CCSER1: variants seen among roughly 807,000 people sequenced by gnomAD.
CCSER1 encodes the protein serine-rich coiled-coil domain-containing protein 1.
In CCSER1, 41 loss-of-function variants were observed where a neutral mutation model predicts 82.0. That is an observed-to-expected ratio of 0.50 (90% CI 0.39 to 0.65). The LOEUF (loss-of-function observed/expected upper bound fraction) is 0.65. CCSER1 is among the 30% of genes least tolerant of loss of function. The pLI is 0.00. For missense variants in CCSER1, 1,119 were observed against 1,064.2 expected, an observed-to-expected ratio of 1.05 and a Z score of -0.72; for synonymous variants, 414 against 383.9, an observed-to-expected ratio of 1.08 and a Z score of -0.92.
Position 91,148,698 on chromosome 4 carries a change from T to C in CCSER1, c.2217+62704T>C, listed in dbSNP as rs55976788. ...CGCATCCTGTGTCCAAATGTTCTCA[T>C]TGTTCAAATCCCACCTATGAGTGAG... On this transcript the variant is annotated intron_variant, in intron 10 of 10. Coordinates refer to ENST00000509176, the MANE Select transcript of CCSER1 (RefSeq NM_001145065.2). 4.9e-3 allele frequency among the ~76,000 whole-genome samples: 741 copies of C among 152,206 alleles called. 7 individuals are homozygous for C. The highest frequency in any genetic ancestry group is 0.017 in the African/African-American group (706 of 41,550).
intron 10 of CCSER1, among the ~76,000 whole-genome samples, chr4:91,409,063 TTAGACAAATGTTATTCACATGGCATCCTC>T (rs1256571125): frequency 2.0e-5 from 3 of 152,154 alleles, no homozygotes; most frequent in African/African-American, 7.2e-5. Flanking sequence ...CACCTGAAAC[TTAGACAAATGTTATTCACATGGCATCCTC>T]TAGATTTCTG....
chr4:91,301,392 T>C, intron 10 of CCSER1, among the ~76,000 whole-genome samples: 1 of 151,780 alleles, frequency 6.6e-6, no homozygotes, highest in Non-Finnish European at 1.5e-5. Context: ...TACTATAACA[T>C]GACTGTCATA....
At chr4:90,439,008 C>T (rs1047448531) in intron 4 of CCSER1, among the ~76,000 whole-genome samples, 1 of 151,936 alleles carries the variant, frequency 6.6e-6, no homozygotes, top group African/African-American at 2.4e-5. Context: ...TTTTAAAAAG[C>T]CTTGGCTGGG....
intron 3 of CCSER1, among the ~76,000 whole-genome samples, chr4:90,345,442 C>G (rs981322541): frequency 2.6e-5 from 4 of 152,046 alleles, no homozygotes; most frequent in African/African-American, 9.7e-5. Context: ...GCTGCTAATT[C>G]TTCCCAGTGT....
intron 6 of CCSER1, among the ~76,000 whole-genome samples, chr4:90,652,516 A>T (rs757665210): frequency 1.3e-5 from 2 of 152,182 alleles, no homozygotes; most frequent in Non-Finnish European, 2.9e-5. Flanking sequence ...GACATGCTGA[A>T]CTGAAGAAGC....
intron 10 of CCSER1, among the ~76,000 whole-genome samples, chr4:91,589,626 T>C (rs1037934246): frequency 2.0e-5 from 3 of 151,828 alleles, no homozygotes; most frequent in Non-Finnish European, 4.4e-5. Context: ...TTGTTCACTT[T>C]TCTGCATTCC....
intron 10 of CCSER1, among the ~76,000 whole-genome samples, chr4:91,248,531 A>T (rs1221328342): frequency 6.6e-6 from 1 of 152,216 alleles, no homozygotes; most frequent in Non-Finnish European, 1.5e-5. Flanking sequence ...ATCTAATCTT[A>T]TAAAAACATC....
chr4:90,574,337 C>T (rs1415777587), intron 5 of CCSER1, among the ~76,000 whole-genome samples: 3 of 142,892 alleles, frequency 2.1e-5, no homozygotes, highest in African/African-American at 5.4e-5. Flanking sequence ...GGCGCAATCT[C>T]GGCTCACTGC....
chr4:91,462,724 C>T (rs1353011139), intron 10 of CCSER1, among the ~76,000 whole-genome samples: 1 of 152,180 alleles, frequency 6.6e-6, no homozygotes, highest in African/African-American at 2.4e-5. Context: ...TTGTGCCTGG[C>T]TCGGAGGGTC....
intron 8 of CCSER1, among the ~76,000 whole-genome samples, chr4:90,861,828 T>G (rs1765118275): frequency 6.6e-6 from 1 of 150,870 alleles, no homozygotes; most frequent in South Asian, 2.1e-4. Context: ...GAAAATGAGA[T>G]TAAATGTAAT....
rs1781043646 is a variant in CCSER1 at position 90,578,634 on chromosome 4, T to G, written c.1725-49391T>G. Among the ~76,000 whole-genome samples, 6 of 152,194 alleles carry G rather than the reference T, an allele frequency of 3.9e-5. No homozygotes were observed. The South Asian group carries it at 1.2e-3, about 32-fold the overall frequency. ...ATCCAGAATATTCTCCCATCTCAAC[T>G]TCAGCTGATTGCCAACGTTAATTGT... On this transcript the variant is annotated intron_variant, in intron 5 of 10. Coordinates refer to ENST00000509176, the MANE Select transcript of CCSER1 (RefSeq NM_001145065.2).
At chr4:91,073,842 C>A (rs2148775650) in intron 9 of CCSER1, among the ~76,000 whole-genome samples, 1 of 152,138 alleles carries the variant, frequency 6.6e-6, no homozygotes, top group South Asian at 2.1e-4. Flanking sequence ...AAACATAATA[C>A]AGATACTAGA....
chr4:90,388,799 C>A (rs528468704), intron 3 of CCSER1, among the ~76,000 whole-genome samples: 2 of 151,498 alleles, frequency 1.3e-5, no homozygotes, highest in African/African-American at 4.8e-5. Context: ...CCACATTTGG[C>A]TAATTTTTGT....
chr4:91,047,586 G>A (rs1183470042), intron 9 of CCSER1, among the ~76,000 whole-genome samples: 1 of 152,040 alleles, frequency 6.6e-6, no homozygotes, highest in East Asian at 1.9e-4. Context: ...TCTGGTTTTT[G>A]TATGTGATTC....
chr4:91,061,591 C>G (rs917810523), intron 9 of CCSER1, among the ~76,000 whole-genome samples: 4 of 151,988 alleles, frequency 2.6e-5, no homozygotes, highest in Non-Finnish European at 5.9e-5. Context: ...TTCCCTGAAG[C>G]TATAACAAGC....
chr4:90,200,070 A>G (rs1376003521), intron 1 of CCSER1, among the ~76,000 whole-genome samples: 1 of 151,140 alleles, frequency 6.6e-6, no homozygotes, highest in African/African-American at 2.4e-5. Context: ...AGACACACAC[A>G]CACACACACA....
At chr4:91,193,159 G>C (rs1033520038) in intron 10 of CCSER1, among the ~76,000 whole-genome samples, 2 of 151,958 alleles carry the variant, frequency 1.3e-5, no homozygotes, top group African/African-American at 4.8e-5. Flanking sequence ...TTTTACCTCA[G>C]TGTTGCTTGG....
At chr4:90,819,954 G>A (rs1335319046) in intron 8 of CCSER1, among the ~76,000 whole-genome samples, 2 of 152,220 alleles carry the variant, frequency 1.3e-5, no homozygotes, top group Non-Finnish European at 2.9e-5. Flanking sequence ...CATACATTCT[G>A]TAGCCAGAAG....
intron 8 of CCSER1, among the ~76,000 whole-genome samples, chr4:90,853,939 A>G (rs973901399): frequency 4.6e-5 from 7 of 152,182 alleles, no homozygotes; most frequent in African/African-American, 1.2e-4. Flanking sequence ...ATAAAAGCCA[A>G]TAAACCCATT....
Sources: allele counts gnomAD v4.1 joint callset (sites outside exome capture counted in the v4.1 genomes callset), GRCh38; gene constraint gnomAD v4.1.1; transcripts MANE v1.5; gene names NCBI Gene and HGNC (gene_info 2026-07-23, HGNC 2026-07-21).